The following NAA38 variants were observed in gnomAD, a reference collection of about 807,000 sequenced individuals.
NAA38 encodes the protein LSM domain containing 1.
Under a neutral mutation model 12.6 loss-of-function variants are expected in NAA38, and 15 were observed. The ratio of observed to expected loss-of-function variants is 1.19; its 90% CI spans 0.79 to 1.83. The LOEUF is 1.83. Among genes scored for constraint, NAA38 ranks in the 40% most tolerant of loss-of-function variants. The pLI, the probability that NAA38 is intolerant of heterozygous loss-of-function variation, is 0.00. For synonymous variants in NAA38, 88 were observed against 69.9 expected, an observed-to-expected ratio of 1.26 and a Z score of -1.29; for missense variants, 183 against 171.7, an observed-to-expected ratio of 1.07 and a Z score of -0.37.
chr17:7,884,839 G>T, intron 1 of NAA38: 1 of 1,061,178 alleles, frequency 9.4e-7, no homozygotes, highest in South Asian at 1.6e-5. Flanking sequence ...AGGAGGAGGA[G>T]GAGGAGGAGA....
chr17:7,879,086 T>A (rs1967226122), intron 2 of NAA38, among the ~76,000 whole-genome samples: 1 of 152,076 alleles, frequency 6.6e-6, no homozygotes, highest in Admixed American at 6.6e-5. Context: ...GGACAGACTT[T>A]TCCAGTAAAG....
At chr17:7,885,055 GC>G (rs1192997430) in intron 1 of NAA38, 2 of 999,066 alleles carry the variant, frequency 2.0e-6, no homozygotes, top group Non-Finnish European at 2.4e-6. Flanking sequence ...CGCCACCGCT[GC>G]CCCCGCCGCC....
chr17:7,884,453 T>C (rs1967427618), intron 1 of NAA38, among the ~76,000 whole-genome samples: 1 of 64,172 alleles, frequency 1.6e-5, no homozygotes, highest in Admixed American at 2.0e-4. Flanking sequence ...CTTTTATATA[T>C]ATACATATAT....
Position 7,857,398 on chromosome 17 carries a change from G to T in NAA38, c.66C>A (p.Ser22Arg), listed in dbSNP as rs1435903526. 6.2e-7 allele frequency: 1 copy of T among 1,606,194 alleles called. No homozygotes were observed. Among genetic ancestry groups the T allele is most frequent in the Non-Finnish European group, 8.5e-7 (1 of 1,177,380 alleles). The change falls in exon 1 of 3, where the codon AGC (serine) becomes AGA (arginine). Residue 22 changes from serine to arginine, a missense_variant. Physicochemically the swap from Ser to Arg is moderately radical, Grantham distance 110. Transcript: ENST00000575771. ...EENGCCSRRQ[S>R]SSSAGDSDGE... ...CCGTGCTAACCCCAGCACTGGAGCT[G>T]CTCTGACGCCGACTGCAACAGCCAT...
chr17:7,856,777 G>T lies in NAA38; in HGVS notation c.332C>A (p.Ser111Tyr). 6.2e-7 allele frequency: 1 copy of T among 1,614,042 alleles called. No homozygotes were observed. Among genetic ancestry groups the T allele is most frequent in the Non-Finnish European group, 8.5e-7 (1 of 1,180,022 alleles). The change falls in exon 3 of 3, where the codon TCC (serine) becomes TAC (tyrosine). Residue 111 changes from serine to tyrosine, a missense_variant. Coordinates refer to ENST00000575771, the MANE Select transcript of NAA38 (RefSeq NM_001320925.4). ...CAGACTCTCCCTCTGCACCTCAATGGAAACGATGTGGTGTCCGGGTACCAT... is the reference window on the plus strand; with the variant it reads ...CAGACTCTCCCTCTGCACCTCAATGTAAACGATGTGGTGTCCGGGTACCAT... ...LAMVPGHHIV[S>Y]IEVQRESLTG...
At chr17:7,866,231 T>TG (rs1966973281) in intron 3 of NAA38, 1 of 249,596 alleles carries the variant, frequency 4.0e-6, no homozygotes, top group African/African-American at 2.3e-5. Context: ...GGACTACAGA[T>TG]GCCCGCCACC....
chr17:7,874,820 G>A (rs1967144874), intron 2 of NAA38, among the ~76,000 whole-genome samples: 1 of 149,872 alleles, frequency 6.7e-6, no homozygotes, highest in South Asian at 2.1e-4. Context: ...AGGAGGTGGA[G>A]GTTGCAGTGA....
intron 2 of NAA38, among the ~76,000 whole-genome samples, chr17:7,873,509 C>T (rs58794057): frequency 0.085 from 12,945 of 152,168 alleles, 881 homozygotes; most frequent in East Asian, 0.25. Flanking sequence ...TGAATGGACA[C>T]AGTGCGGTAA....
upstream of NAA38, chr17:7,860,244 C>T (rs2078873189): frequency 6.6e-6 from 1 of 152,516 alleles, no homozygotes; most frequent in Admixed American, 6.5e-5. Flanking sequence ...GCCTGGAGCT[C>T]CTGGGCACAA....
chr17:7,857,644 C>T, upstream of NAA38: 1 of 1,347,510 alleles, frequency 7.4e-7, no homozygotes, highest in Non-Finnish European at 9.5e-7. Context: ...AGCGCTGTGG[C>T]TCACTGAAGC....
intron 2 of NAA38, among the ~76,000 whole-genome samples, chr17:7,882,729 A>G (rs997239104): frequency 1.3e-5 from 2 of 152,202 alleles, no homozygotes; most frequent in African/African-American, 4.8e-5. Context: ...AAAGTGCATT[A>G]GTGTGGGGAG....
chr17:7,859,970 T>G, upstream of NAA38: 2 of 233,750 alleles, frequency 8.6e-6, no homozygotes, highest in Non-Finnish European at 8.5e-6. Flanking sequence ...GGAAATGAGA[T>G]GTCTGCAGGA....
chr17:7,871,918 G>T (rs930999707), intron 2 of NAA38, among the ~76,000 whole-genome samples: 4 of 152,296 alleles, frequency 2.6e-5, no homozygotes, highest in African/African-American at 9.6e-5. Context: ...GCTTCCCAAA[G>T]TGCTGGGATG....
At chr17:7,874,328 A>AT (rs1967136867) in intron 2 of NAA38, among the ~76,000 whole-genome samples, 1 of 152,124 alleles carries the variant, frequency 6.6e-6, no homozygotes, top group African/African-American at 2.4e-5. Context: ...CAGAAGTGGG[A>AT]TGGCTAGAAA....
chr17:7,871,262 CT>C (rs2151390594), intron 2 of NAA38, among the ~76,000 whole-genome samples: 1 of 152,222 alleles, frequency 6.6e-6, no homozygotes, highest in South Asian at 2.1e-4. Flanking sequence ...TTTAACCTCC[CT>C]TTGTCTGTTT....
chr17:7,884,742 TGGTAGCGGTGGG>T (rs1967474292), intron 1 of NAA38: 1 of 86,720 alleles, frequency 1.2e-5, no homozygotes, highest in Admixed American at 2.0e-4. Flanking sequence ...GAGGTGGTGG[TGGTAGCGGTGGG>T]GGAGGCGGGC....
chr17:7,858,530 G>A (rs1310899647), upstream of NAA38: 1 of 1,613,760 alleles, frequency 6.2e-7, no homozygotes, highest in Non-Finnish European at 8.5e-7. Flanking sequence ...GGAGAGCGGG[G>A]ATGGGAAGGA....
At chr17:7,885,022 C>A (rs1197507620) in intron 1 of NAA38, 1 of 1,198,838 alleles carries the variant, frequency 8.3e-7, no homozygotes, top group East Asian at 3.5e-5. Context: ...GCTGCCACCT[C>A]TTCCCGCCGC....
chr17:7,884,672 G>A (rs1173103081), intron 1 of NAA38: 5 of 372,536 alleles, frequency 1.3e-5, no homozygotes, highest in Non-Finnish European at 1.9e-5. Context: ...GGGAGGCGGT[G>A]AGGAGGAGGA....
Sources: allele counts gnomAD v4.1 joint callset (sites outside exome capture counted in the v4.1 genomes callset), GRCh38; gene constraint gnomAD v4.1.1; transcripts MANE v1.5; gene names NCBI Gene and HGNC (gene_info 2026-07-23, HGNC 2026-07-21).